The following DPP10 variants were observed in gnomAD, a reference collection of about 807,000 sequenced individuals.
DPP10 encodes inactive dipeptidyl peptidase 10.
DPP10 carries 33 observed loss-of-function variants against 120.9 expected under a neutral mutation model. The observed-to-expected ratio is 0.27, with a 90% CI of 0.21 to 0.37. The LOEUF (loss-of-function observed/expected upper bound fraction) is 0.37. DPP10 is among the 10% of genes least tolerant of loss of function. DPP10 has a pLI of 1.00. For missense variants in DPP10, 816 were observed against 942.8 expected (o/e 0.87, Z 1.76); for synonymous variants, 337 against 326.1 (o/e 1.03, Z -0.36).
intron 1 of DPP10, among the ~76,000 whole-genome samples, chr2:114,978,581 A>G (rs755668615): frequency 6.6e-6 from 1 of 152,154 alleles, no homozygotes; most frequent in Admixed American, 6.5e-5. Flanking sequence ...CTTTCCTCAC[A>G]GAAAATAACC....
intron 1 of DPP10, among the ~76,000 whole-genome samples, chr2:114,526,249 A>G (rs1685488587): frequency 6.6e-6 from 1 of 152,194 alleles, no homozygotes; most frequent in African/African-American, 2.4e-5. Flanking sequence ...TGCAATCACC[A>G]ACACAAAGAT....
intron 1 of DPP10, among the ~76,000 whole-genome samples, chr2:114,705,792 T>C (rs1700650745): frequency 6.6e-6 from 1 of 152,216 alleles, no homozygotes. Flanking sequence ...CAGACTTAAA[T>C]AATATAAGGC....
chr2:114,608,364 A>G (rs1692995579), intron 1 of DPP10, among the ~76,000 whole-genome samples: 1 of 152,200 alleles, frequency 6.6e-6, no homozygotes, highest in South Asian at 2.1e-4. Flanking sequence ...AAATAATGGT[A>G]AGATGATCCC....
At chr2:115,353,655 C>T (rs1487530007) in intron 3 of DPP10, among the ~76,000 whole-genome samples, 1 of 152,096 alleles carries the variant, frequency 6.6e-6, no homozygotes, top group East Asian at 1.9e-4. Context: ...TTTTCTAGGA[C>T]ACTTCTACAT....
intron 19 of DPP10, among the ~76,000 whole-genome samples, chr2:115,800,574 A>T (rs1575815402): frequency 6.6e-6 from 1 of 151,984 alleles, no homozygotes; most frequent in African/African-American, 2.4e-5. Context: ...TTTAGGTCTA[A>T]CGTTTAAGTC....
At chr2:115,639,951 A>T (rs1190673732) in intron 5 of DPP10, among the ~76,000 whole-genome samples, 1 of 149,276 alleles carries the variant, frequency 6.7e-6, no homozygotes, top group East Asian at 2.0e-4. Context: ...TAACTGACTC[A>T]TACAGTAGAT....
At chr2:115,164,896 T>G (rs1287659060) in intron 1 of DPP10, among the ~76,000 whole-genome samples, 1 of 152,190 alleles carries the variant, frequency 6.6e-6, no homozygotes, top group Non-Finnish European at 1.5e-5. Context: ...TTATGAATAT[T>G]CTGAATCATT....
At chr2:115,715,480 G>A (rs1399953384) in intron 7 of DPP10, among the ~76,000 whole-genome samples, 1 of 151,608 alleles carries the variant, frequency 6.6e-6, no homozygotes, top group African/African-American at 2.4e-5. Context: ...ACTGTTTCAT[G>A]ACATTCCCTC....
intron 5 of DPP10, among the ~76,000 whole-genome samples, chr2:115,680,132 A>T (rs2090548621): frequency 6.6e-6 from 1 of 152,002 alleles, no homozygotes; most frequent in African/African-American, 2.4e-5. Context: ...ATTTTATGTC[A>T]CTCAAAAATT....
chr2:115,181,806 C>G (rs2105148812), intron 1 of DPP10, among the ~76,000 whole-genome samples: 1 of 152,238 alleles, frequency 6.6e-6, no homozygotes, highest in Middle Eastern at 3.4e-3. Context: ...GCTAAAACAA[C>G]AGAACTGTAT....
chr2:114,891,214 G>A (rs1009866440), intron 1 of DPP10, among the ~76,000 whole-genome samples: 1 of 152,150 alleles, frequency 6.6e-6, no homozygotes, highest in African/African-American at 2.4e-5. Context: ...CTGTGTAATT[G>A]CAAGCTGAGT....
At chr2:114,506,401 C>T (rs929409177) in intron 1 of DPP10, among the ~76,000 whole-genome samples, 1 of 152,214 alleles carries the variant, frequency 6.6e-6, no homozygotes, top group Admixed American at 6.5e-5. Flanking sequence ...ATCCCCTGCA[C>T]TTACCATCTC....
At chr2:114,829,134 C>T (rs543655095) in intron 1 of DPP10, among the ~76,000 whole-genome samples, 68 of 151,772 alleles carry the variant, frequency 4.5e-4, no homozygotes, top group African/African-American at 1.5e-3. Context: ...TAAAAAACTA[C>T]AAAAATTAGC....
chr2:115,588,597 G>A (rs2082435788), intron 5 of DPP10, among the ~76,000 whole-genome samples: 2 of 152,176 alleles, frequency 1.3e-5, no homozygotes, highest in South Asian at 2.1e-4. Flanking sequence ...GGAATCATGT[G>A]TTGCACACAC....
chr2:115,188,993 C>T (rs1488790866), intron 1 of DPP10, among the ~76,000 whole-genome samples: 1 of 152,142 alleles, frequency 6.6e-6, no homozygotes, highest in African/African-American at 2.4e-5. Context: ...GGTAACTATA[C>T]TAAATTTTCA....
At chr2:114,993,340 G>T (rs1418213850) in intron 1 of DPP10, among the ~76,000 whole-genome samples, 1 of 142,650 alleles carries the variant, frequency 7.0e-6, no homozygotes, top group Non-Finnish European at 1.5e-5. Context: ...GAGGTACTTG[G>T]TACTTGGCAC....
At chr2:114,450,925 A>G (rs1573379567) in intron 1 of DPP10, among the ~76,000 whole-genome samples, 1 of 152,222 alleles carries the variant, frequency 6.6e-6, no homozygotes, top group Middle Eastern at 3.4e-3. Flanking sequence ...TTTTATAATC[A>G]GAAACCTTAA....
At chr2:114,449,098 G>C (rs1454043515) in intron 1 of DPP10, among the ~76,000 whole-genome samples, 1 of 152,136 alleles carries the variant, frequency 6.6e-6, no homozygotes, top group Non-Finnish European at 1.5e-5. Flanking sequence ...TTGGTAACTA[G>C]GGGGATTTAG....
intron 1 of DPP10, among the ~76,000 whole-genome samples, chr2:114,646,196 A>G (rs898636248): frequency 6.6e-6 from 1 of 151,138 alleles, no homozygotes; most frequent in African/African-American, 2.5e-5. Context: ...ATAAATAAAT[A>G]AAAAGGGGGA....
Sources: gnomAD v4.1 joint callset for allele counts (sites outside exome capture counted in the v4.1 genomes callset) on GRCh38, gnomAD v4.1.1 for gene constraint, MANE v1.5 for transcripts, NCBI Gene and HGNC (gene_info 2026-07-23, HGNC 2026-07-21) for gene names.